The following ATF7IP variants were observed in gnomAD, a reference collection of about 807,000 sequenced individuals.
ATF7IP encodes activating transcription factor 7 interacting protein, also known as activating transcription factor 7-interacting protein 1.
In ATF7IP, 23 loss-of-function variants were observed where a neutral mutation model predicts 106.4. The ratio of observed to expected loss-of-function variants is 0.22; its 90% CI spans 0.16 to 0.31. The LOEUF (loss-of-function observed/expected upper bound fraction) is 0.31. ATF7IP is among the 10% of genes least tolerant of loss of function. ATF7IP has a pLI of 1.00. For synonymous variants in ATF7IP, 542 were observed against 539.0 expected (o/e 1.01, Z -0.08); for missense variants, 1,334 against 1,524.3 (o/e 0.88, Z 2.08).
intron 8 of ATF7IP, among the ~76,000 whole-genome samples, chr12:14,457,859 C>T (rs1308508171): frequency 2.0e-5 from 3 of 152,098 alleles, no homozygotes; most frequent in Admixed American, 2.0e-4. Flanking sequence ...CTTTGAGAGG[C>T]TGAGGCAGGC....
At chr12:14,478,527 G>A in intron 12 of ATF7IP, 55 bp downstream of exon 12, 1 of 1,582,950 alleles carries the variant, frequency 6.3e-7, no homozygotes, top group Admixed American at 1.7e-5. Flanking sequence ...AGAGAACTAT[G>A]ACTATGGAGT....
chr12:14,385,305 G>A, intron 1 of ATF7IP: 1 of 1,248,054 alleles, frequency 8.0e-7, no homozygotes, highest in East Asian at 2.5e-5. Context: ...CTGAGACTGT[G>A]CAGCTGTCTC....
intron 13 of ATF7IP, among the ~76,000 whole-genome samples, chr12:14,494,495 G>T (rs1027088781): frequency 1.4e-5 from 2 of 142,000 alleles, no homozygotes; most frequent in South Asian, 2.2e-4. Flanking sequence ...TAAACTAATT[G>T]TATATATACT....
chr12:14,401,128 TTAACTGCTATTTTGA>T (rs1940167670), intron 1 of ATF7IP, among the ~76,000 whole-genome samples: 1 of 152,236 alleles, frequency 6.6e-6, no homozygotes, highest in Non-Finnish European at 1.5e-5. Flanking sequence ...GCTATTATGC[TTAACTGCTATTTTGA>T]TAGATTTTCC....
In ATF7IP at chr12:14,424,827, C is replaced by T. The variant is rs1174026010; in HGVS notation, c.912C>T (p.Asp304=). 1.9e-6 allele frequency: 3 copies of T among 1,613,256 alleles called. No individual in the cohort carries two copies. The African/African-American group carries it at 4.0e-5, about 22-fold the overall frequency. Residue 304 remains aspartate, a synonymous_variant, in exon 2 of 15, where the codon GAC becomes GAT. Transcript: ENST00000261168. ...VPVCEPVPEI[D]NIEPSSNKDD... ...TTTGTGAACCAGTTCCTGAAATTGA[C>T]AATATAGAACCAAGTAGCAATAAAG...
At chr12:14,445,723 C>T (rs1254018422) in intron 5 of ATF7IP, among the ~76,000 whole-genome samples, 1 of 152,186 alleles carries the variant, frequency 6.6e-6, no homozygotes, top group Non-Finnish European at 1.5e-5. Context: ...GAAGTGACTG[C>T]TTTCTGCAAG....
chr12:14,443,145 ACT>A (rs1942793224), intron 5 of ATF7IP, among the ~76,000 whole-genome samples: 1 of 151,930 alleles, frequency 6.6e-6, no homozygotes, highest in African/African-American at 2.4e-5. Flanking sequence ...ACAGAGCAAG[ACT>A]CTGTCTCAAA....
At chr12:14,471,890 A>C (rs1241230410) in intron 10 of ATF7IP, among the ~76,000 whole-genome samples, 1 of 152,194 alleles carries the variant, frequency 6.6e-6, no homozygotes, top group Non-Finnish European at 1.5e-5. Flanking sequence ...TGTATTCATT[A>C]TCTTGCTACT....
intron 1 of ATF7IP, among the ~76,000 whole-genome samples, chr12:14,370,876 A>G (rs2136392612): frequency 6.6e-6 from 1 of 152,182 alleles, no homozygotes; most frequent in African/African-American, 2.4e-5. Flanking sequence ...TTCGAAATCA[A>G]AATCCTTTTT....
At chr12:14,367,034 GTTA>G (rs1180294424) in intron 1 of ATF7IP, among the ~76,000 whole-genome samples, 1 of 152,144 alleles carries the variant, frequency 6.6e-6, no homozygotes, top group African/African-American at 2.4e-5. Flanking sequence ...ATTGGGGGAA[GTTA>G]TATAAGATTT....
At chr12:14,421,151 T>A (rs2136537232) in intron 1 of ATF7IP, among the ~76,000 whole-genome samples, 1 of 152,304 alleles carries the variant, frequency 6.6e-6, no homozygotes, top group East Asian at 1.9e-4. Context: ...ATATCTCTAG[T>A]TTTCTTGGTA....
intron 1 of ATF7IP, among the ~76,000 whole-genome samples, chr12:14,397,566 G>A (rs1939919147): frequency 6.6e-6 from 1 of 152,088 alleles, no homozygotes; most frequent in South Asian, 2.1e-4. Flanking sequence ...TTGATTTTGA[G>A]ATGAAGTTGC....
chr12:14,433,477 C>T (rs1202807962), intron 2 of ATF7IP, among the ~76,000 whole-genome samples: 1 of 152,092 alleles, frequency 6.6e-6, no homozygotes, highest in Non-Finnish European at 1.5e-5. Flanking sequence ...TGTACACTAG[C>T]CTGGCGACAG....
chr12:14,480,284 T>C (rs1042825594), intron 12 of ATF7IP, among the ~76,000 whole-genome samples: 7 of 152,142 alleles, frequency 4.6e-5, no homozygotes, highest in Non-Finnish European at 7.4e-5. Flanking sequence ...AAAGTGTCAC[T>C]AAAAATCATT....
chr12:14,497,778 G>A lies in ATF7IP; in HGVS notation c.3518G>A (p.Ser1173Asn). 1.2e-6 allele frequency: 2 copies of A among 1,614,142 alleles called. No homozygotes were observed. The highest frequency in any genetic ancestry group is 1.7e-6 in the Non-Finnish European group (2 of 1,180,016). Residue 1173 changes from serine to asparagine, a missense_variant, in exon 15 of 15, where the codon AGT becomes AAT. Physicochemically the swap from Ser to Asn is conservative, Grantham distance 46 (BLOSUM62 1). Around this residue, in one of 10 missense-constraint regions of ATF7IP, gnomAD observed 80 missense variants for 157.0 expected, o/e 0.51. Transcript: ENST00000261168. ...KPHLKLARVQSQNGIVLSWSV... is the reference protein window; with the variant it reads ...KPHLKLARVQNQNGIVLSWSV... ...CACTTGAAGTTAGCACGCGTTCAGA[G>A]TCAAAATGGCATAGTACTGTCATGG...
rs1015334048 is a variant in ATF7IP, at chr12:14,501,435, T to C, written c.*3362T>C. 1.3e-5 allele frequency: 2 copies of C among 152,234 alleles called. No homozygotes were observed. The highest frequency in any genetic ancestry group is 4.8e-5 in the African/African-American group (2 of 41,470). 9.4% of individuals were successfully genotyped at this position (152,234 alleles called of 1,614,324 possible). ...AGAGTAATTTTCACTCTGTCTTAAG[T>C]GTGAGTAAGCCTCTTCTAAAAATCT... On this transcript the variant is annotated 3_prime_UTR_variant, in exon 15 of 15. Coordinates refer to ENST00000261168, the MANE Select transcript of ATF7IP (RefSeq NM_018179.5).
intron 13 of ATF7IP, among the ~76,000 whole-genome samples, chr12:14,491,058 G>A (rs1944803509): frequency 6.6e-6 from 1 of 152,098 alleles, no homozygotes; most frequent in South Asian, 2.1e-4. Context: ...TTCACCTATG[G>A]GGTCCTGCCA....
At chr12:14,493,829 C>A (rs965744037) in intron 13 of ATF7IP, among the ~76,000 whole-genome samples, 1 of 152,108 alleles carries the variant, frequency 6.6e-6, no homozygotes, top group Non-Finnish European at 1.5e-5. Context: ...AGATAAGACT[C>A]TCATTCAGGG....
rs74820248 is a variant in ATF7IP, at chr12:14,471,955, A to G, written c.2863-3935A>G. Among the ~76,000 whole-genome samples, 311 of 152,340 alleles carry G rather than the reference A, an allele frequency of 2.0e-3. 6 individuals are homozygous for G. In the East Asian group the frequency reaches 0.04, roughly 20 times the overall value. On this transcript the variant is annotated intron_variant, in intron 10 of 14. Transcript: ENST00000261168. ...AAGAAATGATCATTGGAAAAAGGCA[A>G]TGATGCTCTTGGAGGAATGCAGATC...
Sources: gnomAD v4.1 joint callset for allele counts (sites outside exome capture counted in the v4.1 genomes callset) on GRCh38, gnomAD v4.1.1 for gene constraint, gnomAD v4.1.1 regional missense constraint, MANE v1.5 for transcripts, NCBI Gene and HGNC (gene_info 2026-07-23, HGNC 2026-07-21) for gene names.